Variants in FAM20C observed in about 807,000 individuals in gnomAD.
The protein encoded by FAM20C is FAM20C golgi associated secretory pathway kinase, also known as extracellular serine/threonine protein kinase FAM20C.
A neutral mutation model predicts 51.5 loss-of-function variants in FAM20C; 40 were observed. That is an observed-to-expected ratio of 0.78 (90% CI 0.60 to 1.01). The LOEUF is 1.01. Among genes scored for constraint, FAM20C ranks in the 50% least tolerant of loss-of-function variants. The probability of loss-of-function intolerance (pLI) is 0.00; values close to 1 mark genes in which losing one functional copy is unlikely to be tolerated. For missense variants in FAM20C, 861 were observed against 844.7 expected, an observed-to-expected ratio of 1.02 and a Z score of -0.24; for synonymous variants, 406 against 380.6, an observed-to-expected ratio of 1.07 and a Z score of -0.78.
rs1788540529 is a variant in FAM20C at position 255,142 on chromosome 7, G to A, written c.1073-707G>A. Among the ~76,000 whole-genome samples the A allele has an allele frequency of 2.6e-5, 4 of 152,214 alleles. 1 individual carries two copies. In the South Asian group the frequency reaches 8.3e-4, roughly 32 times the overall value. ...AGTTCCTGGGTCACGTGGAAACACT[G>A]TGTTTAATCAGTTGGGGGCTGCAGA... On this transcript the variant is annotated intron_variant, in intron 5 of 9. Coordinates refer to ENST00000313766, the MANE Select transcript of FAM20C (RefSeq NM_020223.4).
intron 5 of FAM20C, among the ~76,000 whole-genome samples, chr7:252,152 C>T (rs1260613110): frequency 6.6e-6 from 1 of 152,262 alleles, no homozygotes; most frequent in Non-Finnish European, 1.5e-5. Context: ...ACCTCAGAGG[C>T]CCTGCCGGAG....
At position 256,992 on chromosome 7, in the gene FAM20C, C is replaced by T. The variant is rs1788614277; in HGVS notation, c.1364-13C>T. The T allele has an allele frequency of 1.3e-6, 2 of 1,536,866 alleles. No individual in the cohort carries two copies. Among genetic ancestry groups the T allele is most frequent in the Admixed American group, 2.0e-5 (1 of 50,984 alleles). The stretch of plus-strand genomic sequence containing the variant: ...TCCCCACGAGCTGTGACACTTTCTG[C>T]CTCTCTCCGCAGGAAACATGGACCG... On this transcript the variant is annotated splice_polypyrimidine_tract_variant and intron_variant, in intron 7 of 9. Coordinates refer to ENST00000313766, the MANE Select transcript of FAM20C (RefSeq NM_020223.4).
intron 5 of FAM20C, among the ~76,000 whole-genome samples, chr7:252,488 A>G (rs181516800): frequency 8.9e-5 from 11 of 124,242 alleles, no homozygotes; most frequent in African/African-American, 2.2e-4. Flanking sequence ...TCGGCCTCCC[A>G]ACCACGGATG....
intron 3 of FAM20C, among the ~76,000 whole-genome samples, chr7:243,078 C>T (rs1583326158): frequency 1.5e-5 from 2 of 134,236 alleles, no homozygotes; most frequent in East Asian, 4.3e-4. Flanking sequence ...GAGACCTGTG[C>T]CACCCAAGAG....
At chr7:231,885 G>T (rs1787703359) in intron 3 of FAM20C, among the ~76,000 whole-genome samples, 1 of 152,134 alleles carries the variant, frequency 6.6e-6, no homozygotes, top group African/African-American at 2.4e-5. Flanking sequence ...CTGTGCCCAG[G>T]GGCCTGGGGC....
intron 5 of FAM20C, 147 bp from the exon 6 acceptor site, chr7:255,702 G>A (rs1221340742): frequency 4.9e-6 from 4 of 810,988 alleles, no homozygotes; most frequent in Non-Finnish European, 7.5e-6. Context: ...GGGTGGAGGT[G>A]TTTGCTGGGA....
chr7:222,957 G>T (rs531036227), intron 3 of FAM20C, among the ~76,000 whole-genome samples: 1 of 152,132 alleles, frequency 6.6e-6, no homozygotes, highest in East Asian at 1.9e-4. Context: ...TGTGTGTGAG[G>T]GCGTTCATCT....
intron 2 of FAM20C, among the ~76,000 whole-genome samples, chr7:201,086 C>G (rs914288882): frequency 6.6e-6 from 1 of 152,206 alleles, no homozygotes; most frequent in African/African-American, 2.4e-5. Context: ...GTGACCTGAG[C>G]TCTCCCGGTG....
In FAM20C at chr7:251,163, C is replaced by T. The variant is rs540615323; in HGVS notation, c.1072+2733C>T. Among the ~76,000 whole-genome samples, 129 of 150,188 alleles carry T rather than the reference C, an allele frequency of 8.6e-4. 1 individual carries two copies. The highest frequency in any genetic ancestry group is 3.0e-3 in the African/African-American group (124 of 40,958). Reference sequence around the variant, plus strand: ...GGTCTTACTGAGTGGCCGGGCACGGCGGCTCACGCCTGCACTGAGTGGCCG... The same window carrying T: ...GGTCTTACTGAGTGGCCGGGCACGGTGGCTCACGCCTGCACTGAGTGGCCG... On this transcript the variant is annotated intron_variant, in intron 5 of 9. Coordinates refer to ENST00000313766, the MANE Select transcript of FAM20C (RefSeq NM_020223.4).
At chr7:257,217 C>T (rs1422912124) in intron 8 of FAM20C, 131 bp downstream of exon 8, 3 of 932,980 alleles carry the variant, frequency 3.2e-6, no homozygotes, top group Non-Finnish European at 4.8e-6. Flanking sequence ...CGCAAAGGCC[C>T]ATCTCAGAGC....
Position 193,299 on chromosome 7 carries a change from G to C in FAM20C, c.100G>C (p.Glu34Gln), listed in dbSNP as rs1785661059. 1 of 1,412,822 alleles carries C rather than the reference G, an allele frequency of 7.1e-7. No homozygotes were observed. The highest frequency in any genetic ancestry group is 9.3e-7 in the Non-Finnish European group (1 of 1,076,492). 87.5% of individuals were successfully genotyped at this position (1,412,822 alleles called of 1,614,324 possible). A position where few individuals can be genotyped will look rare whatever the true frequency, so the allele number is the denominator to read the frequency against. ...HIALDLLPRLERRGARPSGEP... is the reference protein window; with the variant it reads ...HIALDLLPRLQRRGARPSGEP... ...CGCCCTGGACCTGCTGCCCAGGCTG[G>C]AGCGACGCGGCGCGCGGCCCTCGGG... The change falls in exon 1 of 10, where the codon GAG (glutamate) becomes CAG (glutamine). Residue 34 changes from glutamate (E) to glutamine (Q), a missense_variant. Coordinates refer to ENST00000313766, the MANE Select transcript of FAM20C (RefSeq NM_020223.4).
intron 5 of FAM20C, among the ~76,000 whole-genome samples, chr7:249,486 A>G (rs888121305): frequency 6.6e-6 from 1 of 152,244 alleles, no homozygotes; most frequent in Non-Finnish European, 1.5e-5. Flanking sequence ...CACGCCTGTA[A>G]TCTCAGCATT....
rs376346561 is a variant in FAM20C at position 209,328 on chromosome 7, C to T, written c.863+352C>T. 2.8e-4 allele frequency among the ~76,000 whole-genome samples: 42 copies of T among 152,354 alleles called. No homozygotes were observed. The East Asian group carries it at 4.6e-3, about 17-fold the overall frequency. On this transcript the variant is annotated intron_variant, in intron 3 of 9. Transcript: ENST00000313766. ...CGTCCGCACCTTCCCAGCAGGCCTCCGGAGCCCGCACACCTTTGCTACAAA... is the reference window on the plus strand; with the variant it reads ...CGTCCGCACCTTCCCAGCAGGCCTCTGGAGCCCGCACACCTTTGCTACAAA...
chr7:216,639 G>A (rs1357569534), intron 3 of FAM20C, among the ~76,000 whole-genome samples: 2 of 143,188 alleles, frequency 1.4e-5, no homozygotes, highest in Non-Finnish European at 1.5e-5. Flanking sequence ...GTGAGTGTGT[G>A]TGAGTGTGTG....
At chr7:259,120 G>A (rs1056217294) in intron 9 of FAM20C, among the ~76,000 whole-genome samples, 3 of 152,208 alleles carry the variant, frequency 2.0e-5, no homozygotes, top group South Asian at 2.1e-4. Context: ...CAGGGCAAAC[G>A]CTTTGTACTT....
intron 3 of FAM20C, among the ~76,000 whole-genome samples, chr7:212,715 G>T (rs558640085): frequency 6.6e-6 from 1 of 152,200 alleles, no homozygotes; most frequent in Non-Finnish European, 1.5e-5. Flanking sequence ...TGAAAAGCAC[G>T]TAGCCGGCAC....
Position 224,299 on chromosome 7 carries a change from A to ACAACC in FAM20C, c.863+15323_863+15324insCAACC, listed in dbSNP as rs1562381296. Among the ~76,000 whole-genome samples the ACAACC allele has an allele frequency of 7.2e-4, 35 of 48,420 alleles. 2 individuals are homozygous for ACAACC. The highest frequency in any genetic ancestry group is 1.8e-3 in the Admixed American group (11 of 6,164). The allele number at this position is 48,420 out of a possible 152,430, so 31.8% of individuals were successfully genotyped here. Reference sequence around the variant, plus strand: ...CCTGAGCCTTCTCTCACGGAGCAGAATGGCACCGTCACGGGGGTCGCACGG... The same window carrying ACAACC: ...CCTGAGCCTTCTCTCACGGAGCAGAACAACCTGGCACCGTCACGGGGGTCGCACGG... On this transcript the variant is annotated intron_variant, in intron 3 of 9. Coordinates refer to ENST00000313766, the MANE Select transcript of FAM20C (RefSeq NM_020223.4).
chr7:201,944 C>T (rs1475503688), intron 2 of FAM20C, among the ~76,000 whole-genome samples: 3 of 152,222 alleles, frequency 2.0e-5, no homozygotes, highest in African/African-American at 7.2e-5. Context: ...ATCACATTAA[C>T]TAGCCATGTT....
intron 3 of FAM20C, among the ~76,000 whole-genome samples, chr7:222,974 A>T (rs958343012): frequency 6.6e-6 from 1 of 151,842 alleles, no homozygotes; most frequent in Non-Finnish European, 1.5e-5. Context: ...ATCTGTTGTC[A>T]TGCAGGTGCT....
Sources: gnomAD v4.1 joint callset for allele counts (sites outside exome capture counted in the v4.1 genomes callset) on GRCh38, gnomAD v4.1.1 for gene constraint, MANE v1.5 for transcripts, NCBI Gene and HGNC (gene_info 2026-07-23, HGNC 2026-07-21) for gene names.